The following SAMD5 variants were observed in gnomAD, a reference collection of about 807,000 sequenced individuals.
The protein encoded by SAMD5 is sterile alpha motif domain-containing protein 5.
SAMD5 carries 13 observed loss-of-function variants against 11.3 expected under a neutral mutation model. The observed-to-expected ratio is 1.15, with a 90% CI of 0.75 to 1.83. The LOEUF (loss-of-function observed/expected upper bound fraction) is 1.83. Ranked by LOEUF, SAMD5 falls within the 40% of genes most tolerant of loss-of-function variation. SAMD5 has a pLI of 0.00. For missense variants in SAMD5, 255 were observed against 239.1 expected (o/e 1.07, Z -0.44); for synonymous variants, 129 against 111.3 (o/e 1.16, Z -1.00).
the SAMD5 span, among the ~76,000 whole-genome samples, chr6:147,928,216 A>G: frequency 6.6e-6 from 1 of 152,012 alleles, no homozygotes; most frequent in African/African-American, 2.4e-5. Context: ...AGTTTTGGGA[A>G]ATAGTTTCAG....
chr6:147,681,277 G>A (rs1302159652), intron 1 of SAMD5, among the ~76,000 whole-genome samples: 3 of 152,040 alleles, frequency 2.0e-5, no homozygotes, highest in Admixed American at 6.6e-5. Context: ...CTGTTGCTAC[G>A]TCTTCAAGTT....
At chr6:147,586,965 G>A (rs545059425) in intron 1 of SAMD5, among the ~76,000 whole-genome samples, 7 of 152,112 alleles carry the variant, frequency 4.6e-5, no homozygotes, top group African/African-American at 1.7e-4. Flanking sequence ...TTTTATATAT[G>A]ATATTTTAAG....
At chr6:147,799,901 C>T in the SAMD5 span, among the ~76,000 whole-genome samples, 108 of 152,228 alleles carry the variant, frequency 7.1e-4, no homozygotes, top group African/African-American at 2.3e-3. Context: ...AGTTCTGGAG[C>T]CTTGGTTTTC....
intron 1 of SAMD5, among the ~76,000 whole-genome samples, chr6:147,647,197 T>C (rs1401068785): frequency 6.6e-6 from 1 of 151,858 alleles, no homozygotes; most frequent in Non-Finnish European, 1.5e-5. Flanking sequence ...GAATAGAAAA[T>C]ACATTTATTA....
intron 1 of SAMD5, among the ~76,000 whole-genome samples, chr6:147,637,863 T>G (rs904600323): frequency 2.6e-4 from 34 of 130,160 alleles, no homozygotes; most frequent in Admixed American, 6.5e-4. Context: ...AAGTTCGGTT[T>G]TTTTTTTTTT....
chr6:147,670,629 A>C (rs991350547), intron 1 of SAMD5, among the ~76,000 whole-genome samples: 1 of 152,194 alleles, frequency 6.6e-6, no homozygotes, highest in Non-Finnish European at 1.5e-5. Flanking sequence ...TTCTTTTCTT[A>C]AACTTCATGA....
chr6:147,722,780 G>A (rs1791573871), intron 1 of SAMD5, among the ~76,000 whole-genome samples: 1 of 152,188 alleles, frequency 6.6e-6, no homozygotes, highest in Non-Finnish European at 1.5e-5. Flanking sequence ...AGAAGAGACT[G>A]CACTCAATAG....
the SAMD5 span, among the ~76,000 whole-genome samples, chr6:147,825,405 A>T: frequency 6.6e-6 from 1 of 152,202 alleles, no homozygotes. Context: ...ATTATAATGA[A>T]TGATTATTAT....
chr6:147,938,163 G>A, the SAMD5 span, among the ~76,000 whole-genome samples: 219 of 152,288 alleles, frequency 1.4e-3, 2 homozygotes, highest in Admixed American at 6.1e-3. Flanking sequence ...GGGGAGAAGT[G>A]AGTCAGTTAT....
chr6:147,862,107 A>G, the SAMD5 span, among the ~76,000 whole-genome samples: 1,843 of 152,088 alleles, frequency 0.012, 36 homozygotes, highest in African/African-American at 0.042. Flanking sequence ...CAAAGCCACC[A>G]TACGCGATTG....
the SAMD5 span, among the ~76,000 whole-genome samples, chr6:147,881,843 T>C: frequency 6.6e-6 from 1 of 152,176 alleles, no homozygotes; most frequent in Non-Finnish European, 1.5e-5. Flanking sequence ...GAATTTAACA[T>C]GATGCCCTTG....
intron 1 of SAMD5, among the ~76,000 whole-genome samples, chr6:147,686,586 T>A (rs1218092937): frequency 1.3e-5 from 2 of 152,224 alleles, no homozygotes; most frequent in African/African-American, 4.8e-5. Flanking sequence ...TGTGTCCATA[T>A]AAGCATGAGT....
chr6:147,817,051 G>A, the SAMD5 span, among the ~76,000 whole-genome samples: 16 of 152,174 alleles, frequency 1.1e-4, no homozygotes, highest in South Asian at 2.1e-4. Context: ...GGTTCATCAC[G>A]AGTTTCCTTG....
In SAMD5 at chr6:147,631,377, T is replaced by G. The variant is rs755381290; in HGVS notation, c.163-105940T>G. On this transcript the variant is annotated intron_variant, in intron 1 of 1. Transcript: ENST00000566741. The stretch of plus-strand genomic sequence containing the variant: ...ATTACTTGCTTGATTGGTGAGTTTT[T>G]GGGCTCTATCCTTGACAGAGTCCTC... Among the ~76,000 whole-genome samples the G allele has an allele frequency of 2.0e-5, 3 of 152,184 alleles. No individual in the cohort carries two copies. In the South Asian group the frequency reaches 6.2e-4, roughly 31 times the overall value.
chr6:147,514,183 C>T (rs1487447670), intron 1 of SAMD5, among the ~76,000 whole-genome samples: 4 of 151,920 alleles, frequency 2.6e-5, no homozygotes, highest in South Asian at 4.2e-4. Context: ...GTGCCCAGAG[C>T]GCATAAGTGA....
chr6:147,909,606 T>TTC, the SAMD5 span, among the ~76,000 whole-genome samples: 2 of 54,632 alleles, frequency 3.7e-5, no homozygotes, highest in African/African-American at 1.9e-4. Flanking sequence ...CTTTCTTTCT[T>TTC]TCTTTCTTTC....
chr6:147,752,492 A>T, the SAMD5 span, among the ~76,000 whole-genome samples: 1 of 152,252 alleles, frequency 6.6e-6, no homozygotes, highest in African/African-American at 2.4e-5. Context: ...CATTTGCAGT[A>T]ATCTCCCACA....
chr6:147,588,666 T>C (rs549477164), intron 1 of SAMD5, among the ~76,000 whole-genome samples: 70 of 152,112 alleles, frequency 4.6e-4, no homozygotes, highest in African/African-American at 1.6e-3. Flanking sequence ...CCAAATAAAA[T>C]GTGTTTTTTT....
chr6:147,773,830 A>T, the SAMD5 span, among the ~76,000 whole-genome samples: 1 of 152,116 alleles, frequency 6.6e-6, no homozygotes, highest in Admixed American at 6.6e-5. Context: ...GAAAGGGGCA[A>T]GGAAGCCCTC....
Sources: allele counts gnomAD v4.1 joint callset (sites outside exome capture counted in the v4.1 genomes callset), GRCh38; gene constraint gnomAD v4.1.1; transcripts MANE v1.5; gene names NCBI Gene and HGNC (gene_info 2026-07-23, HGNC 2026-07-21).